Variants in PRPF38A observed in about 807,000 individuals in gnomAD.
PRPF38A encodes the protein pre-mRNA-splicing factor 38A.
A neutral mutation model predicts 46.8 loss-of-function variants in PRPF38A; 11 were observed. The ratio of observed to expected loss-of-function variants is 0.24; its 90% CI spans 0.15 to 0.39. The LOEUF is 0.39. Among genes scored for constraint, PRPF38A ranks in the 10% least tolerant of loss-of-function variants. The pLI is 1.00. For synonymous variants in PRPF38A, 124 were observed against 136.2 expected, an observed-to-expected ratio of 0.91 and a Z score of 0.62; for missense variants, 261 against 407.5, an observed-to-expected ratio of 0.64 and a Z score of 3.10.
intron 4 of PRPF38A, 140 bp downstream of exon 4, chr1:52,411,340 C>T: frequency 1.6e-6 from 1 of 609,174 alleles, no homozygotes; most frequent in East Asian, 2.8e-5. Context: ...GTCTGGGAGT[C>T]CCAAGATAGT....
intron 3 of PRPF38A, among the ~76,000 whole-genome samples, chr1:52,409,926 A>G (rs1256289293): frequency 6.6e-6 from 1 of 151,882 alleles, no homozygotes; most frequent in Non-Finnish European, 1.5e-5. Flanking sequence ...AAGTAGGGGG[A>G]TGGGCATGTG....
chr1:52,404,946 T>C (rs1647931412), intron 1 of PRPF38A, 67 bp downstream of exon 1: 2 of 1,580,676 alleles, frequency 1.3e-6, no homozygotes, highest in East Asian at 4.5e-5. Flanking sequence ...CGAGCGCGGG[T>C]AGGACTAGCG....
intron 2 of PRPF38A, among the ~76,000 whole-genome samples, chr1:52,407,561 C>T (rs751950250): frequency 2.1e-4 from 32 of 152,182 alleles, no homozygotes; most frequent in Non-Finnish European, 3.2e-4. Context: ...TTTTCCAAAA[C>T]CAGCAGTCAT....
At chr1:52,416,068 T>G (rs1030734140) in intron 9 of PRPF38A, among the ~76,000 whole-genome samples, 3 of 151,938 alleles carry the variant, frequency 2.0e-5, no homozygotes, top group African/African-American at 7.3e-5. Context: ...GGTCTCAATC[T>G]GACCTTGTGA....
rs1286898252 is a variant in PRPF38A, at chr1:52,417,498, C to T, written c.*808C>T. 6.6e-6 allele frequency: 1 copy of T among 152,160 alleles called. No individual in the cohort carries two copies. The highest frequency in any genetic ancestry group is 6.6e-5 in the Admixed American group (1 of 15,266). The allele number at this position is 152,160 out of a possible 1,614,324, so 9.4% of individuals were successfully genotyped here. A position where few individuals can be genotyped will look rare whatever the true frequency, so the allele number is the denominator to read the frequency against. On this transcript the variant is annotated 3_prime_UTR_variant, in exon 10 of 10. Coordinates refer to ENST00000257181, the MANE Select transcript of PRPF38A (RefSeq NM_032864.4). ...TAAATTGCTAGACAGTCGTGCCATT[C>T]ACAAAGTCAGAAAATACAGCAGGAA...
intron 2 of PRPF38A, among the ~76,000 whole-genome samples, chr1:52,406,588 TATAAG>T (rs1006996047): frequency 3.0e-4 from 46 of 152,286 alleles, no homozygotes; most frequent in African/African-American, 9.1e-4. Flanking sequence ...GTGACTATAA[TATAAG>T]AGTGAAAGAA....
chr1:52,416,627 T>A (rs1326889585), intron 9 of PRPF38A, 21 bp from the exon 10 acceptor site: 1 of 1,598,304 alleles, frequency 6.3e-7, no homozygotes, highest in Admixed American at 1.7e-5. Context: ...ATATAATTAT[T>A]TATATGTGTT....
At position 52,420,734 on chromosome 1, in the gene PRPF38A, T is replaced by A. The variant is rs1456310162; in HGVS notation, c.*4044T>A. The A allele has an allele frequency of 2.0e-5, 3 of 152,204 alleles. No homozygotes were observed. Among genetic ancestry groups the A allele is most frequent in the East Asian group, 1.9e-4 (1 of 5,198 alleles). The allele number at this position is 152,204 out of a possible 1,614,324, so 9.4% of individuals were successfully genotyped here. A position where few individuals can be genotyped will look rare whatever the true frequency, so the allele number is the denominator to read the frequency against. ...TGAATGAAGTTCACCAGATAGTACT[T>A]CTTTCTGGCTGATGAACTTTTGAAT... is the stretch of plus-strand genomic sequence containing the variant. On this transcript the variant is annotated 3_prime_UTR_variant, in exon 10 of 10. Transcript: ENST00000257181.
At chr1:52,414,908 A>C in intron 8 of PRPF38A, 49 bp downstream of exon 8, 11 of 1,575,480 alleles carry the variant, frequency 7.0e-6, no homozygotes, top group Non-Finnish European at 9.6e-6. Context: ...AAAGAAATGT[A>C]AAAGGAGTAG....
At chr1:52,410,391 C>T (rs960473658) in intron 3 of PRPF38A, among the ~76,000 whole-genome samples, 2 of 150,118 alleles carry the variant, frequency 1.3e-5, no homozygotes, top group Admixed American at 6.7e-5. Context: ...TATAATCTTA[C>T]GCAAATTACT....
At chr1:52,409,416 G>T (rs1471586010) in intron 3 of PRPF38A, 1 of 152,274 alleles carries the variant, frequency 6.6e-6, no homozygotes, top group Non-Finnish European at 1.5e-5. Flanking sequence ...TTTGAGACCA[G>T]CCTCGTCAGT....
At chr1:52,407,882 C>T (rs565643589) in intron 2 of PRPF38A, among the ~76,000 whole-genome samples, 3 of 152,336 alleles carry the variant, frequency 2.0e-5, no homozygotes, top group Non-Finnish European at 2.9e-5. Flanking sequence ...ATGGCAAAAC[C>T]GGTCCCTACT....
chr1:52,412,731 C>A, intron 5 of PRPF38A, 107 bp downstream of exon 5: 2 of 702,258 alleles, frequency 2.8e-6, no homozygotes, highest in South Asian at 3.7e-5. Context: ...CGGGCGTGGT[C>A]GCTCAAGCCT....
chr1:52,410,524 T>C lies in PRPF38A; in HGVS notation c.413-591T>C, dbSNP rs1327241902. On this transcript the variant is annotated intron_variant, in intron 3 of 9. Coordinates refer to ENST00000257181, the MANE Select transcript of PRPF38A (RefSeq NM_032864.4). The stretch of plus-strand genomic sequence containing the variant: ...ACATATAATTTTTTTTTTTTTGAGA[T>C]GGAGTCTCACTCTGTTGCCCAGGCT... Among the ~76,000 whole-genome samples, 5 of 149,426 alleles carry C rather than the reference T, an allele frequency of 3.3e-5. No homozygotes were observed. In the East Asian group the frequency reaches 7.8e-4, roughly 23 times the overall value.
At chr1:52,411,233 C>T in intron 4 of PRPF38A, 33 bp downstream of exon 4, 2 of 1,495,892 alleles carry the variant, frequency 1.3e-6, no homozygotes, top group Non-Finnish European at 1.9e-6. Context: ...CAGAGTCACC[C>T]TTCTCTTCCT....
chr1:52,414,724 C>G, intron 7 of PRPF38A, 38 bp from the exon 8 acceptor site: 5 of 1,613,564 alleles, frequency 3.1e-6, no homozygotes, highest in Non-Finnish European at 4.2e-6. Flanking sequence ...ATGTATATTG[C>G]TAACCAGATC....
intron 7 of PRPF38A, 56 bp from the exon 8 acceptor site, chr1:52,414,705 TG>T (rs1334524654): frequency 6.2e-7 from 1 of 1,613,224 alleles, no homozygotes; most frequent in Non-Finnish European, 8.5e-7. Context: ...GTGGTGGTAT[TG>T]GTGTTATATG....
At chr1:52,414,277 G>C (rs12117861) in intron 6 of PRPF38A, among the ~76,000 whole-genome samples, 1 of 152,142 alleles carries the variant, frequency 6.6e-6, no homozygotes, top group Non-Finnish European at 1.5e-5. Context: ...AATTGCCTTA[G>C]CTTGGATGAC....
Position 52,413,921 on chromosome 1 carries a change from C to A in PRPF38A, c.652C>A (p.Arg218=), listed in dbSNP as rs1451671728. 2 of 1,613,776 alleles carry A rather than the reference C, an allele frequency of 1.2e-6. No homozygotes were observed. The highest frequency in any genetic ancestry group is 1.7e-6 in the Non-Finnish European group (2 of 1,179,924). Residue 218 remains arginine (R), a synonymous_variant, in exon 6 of 10, where the codon CGA becomes AGA. Transcript: ENST00000257181. The part of the protein sequence containing the change: ...PSPDHRRRSY[R]DLDKPRRSPT... The stretch of plus-strand genomic sequence containing the variant: ...ACCTGATCACCGCCGGAGAAGCTAC[C>A]GAGACTTGGACAAGCCCCGTCGCTC...
Sources: gnomAD v4.1 joint callset for allele counts (sites outside exome capture counted in the v4.1 genomes callset) on GRCh38, gnomAD v4.1.1 for gene constraint, MANE v1.5 for transcripts, NCBI Gene and HGNC (gene_info 2026-07-23, HGNC 2026-07-21) for gene names.